ATPAF1: variants seen among roughly 807,000 people sequenced by gnomAD.
ATPAF1 encodes the protein ATP synthase mitochondrial F1 complex assembly factor 1.
Under a neutral mutation model 43.9 loss-of-function variants are expected in ATPAF1, and 26 were observed. The observed-to-expected ratio is 0.59, with a 90% CI of 0.43 to 0.82. The LOEUF is 0.82. Ranked by LOEUF, ATPAF1 falls within the 40% of genes least tolerant of loss-of-function variation. The probability of loss-of-function intolerance (pLI) is 0.00; values close to 1 mark genes in which losing one functional copy is unlikely to be tolerated. For synonymous variants in ATPAF1, 157 were observed against 168.0 expected (o/e 0.93, Z 0.50); for missense variants, 366 against 435.0 (o/e 0.84, Z 1.41).
At chr1:46,658,237 A>C (rs201696890) in intron 3 of ATPAF1, 48 bp from the exon 4 acceptor site, 36 of 1,423,706 alleles carry the variant, frequency 2.5e-5, no homozygotes, top group East Asian at 9.1e-5. Flanking sequence ...AAAAAAAAAA[A>C]AAAACAGCTT....
exon 7 of ATPAF1, chr1:46,645,169 T>C: frequency 6.2e-7 from 1 of 1,612,878 alleles, no homozygotes; most frequent in Non-Finnish European, 8.5e-7. Context: ...ACCTGAATAT[T>C]TATAAGTGCA....
Position 46,643,178 on chromosome 1 carries a change from G to C in ATPAF1, c.792+16C>G, listed in dbSNP as rs778360613. On this transcript the variant is annotated intron_variant, in intron 8 of 8. Coordinates refer to ENST00000574428, the Ensembl canonical transcript of ATPAF1. ...CCATGAGGTAAATCCAAAGAGTTTTGCAAGTTAATTCTTACCAGAAATGTG... is the reference window on the plus strand; with the variant it reads ...CCATGAGGTAAATCCAAAGAGTTTTCCAAGTTAATTCTTACCAGAAATGTG... The C allele has an allele frequency of 1.9e-6, 3 of 1,594,004 alleles. No individual in the cohort carries two copies. The African/African-American group carries it at 4.0e-5, about 21-fold the overall frequency.
At chr1:46,648,953 T>G (rs994921559) in intron 6 of ATPAF1, among the ~76,000 whole-genome samples, 1 of 151,906 alleles carries the variant, frequency 6.6e-6, no homozygotes, top group Non-Finnish European at 1.5e-5. Context: ...CACTACAGCC[T>G]GGGCAACAGT....
At chr1:46,636,334 C>T (rs1484153127) in intron 8 of ATPAF1, among the ~76,000 whole-genome samples, 3 of 152,148 alleles carry the variant, frequency 2.0e-5, no homozygotes, top group African/African-American at 7.2e-5. Flanking sequence ...TCCTCTTCAT[C>T]CAGTTCCCTA....
At chr1:46,651,174 A>G (rs1485706473) in intron 6 of ATPAF1, among the ~76,000 whole-genome samples, 2 of 135,790 alleles carry the variant, frequency 1.5e-5, no homozygotes, top group African/African-American at 5.5e-5. Context: ...AACAGTCCCC[A>G]GAGTGTGATG....
chr1:46,663,922 T>C lies in ATPAF1; in HGVS notation c.375+1334A>G, dbSNP rs567772172. 6 of 1,280,532 alleles carry C rather than the reference T, an allele frequency of 4.7e-6. No individual in the cohort carries two copies. In the African/African-American group the frequency reaches 6.1e-5, roughly 13 times the overall value. The allele number at this position is 1,280,532 out of a possible 1,614,324, so 79.3% of individuals were successfully genotyped here. A position where few individuals can be genotyped will look rare whatever the true frequency, so the allele number is the denominator to read the frequency against. On this transcript the variant is annotated intron_variant, in intron 2 of 8. Transcript: ENST00000574428. ...CTACACCAGTTTGTTCTGTGCACCA[T>C]CCTAGGTTAGAATTTTTCAAATAAT...
At chr1:46,663,946 A>G (rs1676444843) in intron 2 of ATPAF1, 1 of 1,256,986 alleles carries the variant, frequency 8.0e-7, no homozygotes. Flanking sequence ...TTTTCAAATA[A>G]TAGGTTGTGA....
At chr1:46,640,663 A>AAAC (rs1557925749) in intron 8 of ATPAF1, among the ~76,000 whole-genome samples, 14 of 124,210 alleles carry the variant, frequency 1.1e-4, no homozygotes, top group African/African-American at 3.6e-4. Flanking sequence ...AACAAACAAA[A>AAAC]AAAGAGTTTT....
chr1:46,643,254 A>C, exon 8 of ATPAF1: 1 of 1,613,936 alleles, frequency 6.2e-7, no homozygotes, highest in Non-Finnish European at 8.5e-7. Flanking sequence ...CCTTAAGTTC[A>C]GGATAGTGAT....
chr1:46,665,116 G>C, intron 2 of ATPAF1, 140 bp downstream of exon 2: 1 of 740,696 alleles, frequency 1.4e-6, no homozygotes, highest in Non-Finnish European at 2.3e-6. Flanking sequence ...AAACATTTAT[G>C]GATGGAAATG....
Position 46,663,150 on chromosome 1 carries a change from T to C in ATPAF1, c.375+2106A>G, listed in dbSNP as rs184246009. On this transcript the variant is annotated intron_variant, in intron 2 of 8. Transcript: ENST00000574428. ...TGGCTGCATAGTATTCCATGGTGTA[T>C]ATGTGCCACATTTTCTTGATTCAGT... is the stretch of plus-strand genomic sequence containing the variant. Among the ~76,000 whole-genome samples the C allele has an allele frequency of 5.3e-3, 813 of 152,350 alleles. 12 individuals carry two copies. Among genetic ancestry groups the C allele is most frequent in the African/African-American group, 0.018 (759 of 41,570 alleles).
chr1:46,639,125 C>A (rs911470948), intron 8 of ATPAF1, among the ~76,000 whole-genome samples: 4 of 152,020 alleles, frequency 2.6e-5, no homozygotes, highest in African/African-American at 9.7e-5. Flanking sequence ...TCTTAAAATC[C>A]ATCTCTTTAT....
chr1:46,665,252 T>TG lies in ATPAF1; in HGVS notation c.375+3_375+4insC. On this transcript the variant is annotated splice_donor_region_variant and intron_variant, in intron 2 of 8. Transcript: ENST00000574428. ...CAAACACCACAAATGGGGGAAGGTC[T>TG]TACCTTCTGTTCCACACATTTGATA... is the stretch of plus-strand genomic sequence containing the variant. The TG allele has an allele frequency of 6.2e-7, 1 of 1,613,132 alleles. No individual in the cohort carries two copies.
chr1:46,646,390 G>T (rs1355464080), intron 6 of ATPAF1, among the ~76,000 whole-genome samples: 5 of 152,176 alleles, frequency 3.3e-5, no homozygotes, highest in Non-Finnish European at 5.9e-5. Flanking sequence ...TGCTGAATTA[G>T]CTCGTTCCAA....
intron 6 of ATPAF1, 28 bp downstream of exon 6, chr1:46,652,553 A>C (rs761006367): frequency 8.1e-6 from 13 of 1,606,590 alleles, no homozygotes; most frequent in Non-Finnish European, 1.1e-5. Context: ...ATTGATAAGC[A>C]ACCCTTACGT....
chr1:46,665,474 T>A (rs551066188), intron 1 of ATPAF1, 110 bp from the exon 2 acceptor site: 3 of 1,297,560 alleles, frequency 2.3e-6, no homozygotes, highest in Non-Finnish European at 3.2e-6. Flanking sequence ...TTCAGAGAGG[T>A]TGAAAAATTT....
intron 2 of ATPAF1, among the ~76,000 whole-genome samples, chr1:46,659,287 T>C (rs1355396650): frequency 2.0e-5 from 3 of 152,186 alleles, no homozygotes; most frequent in Non-Finnish European, 4.4e-5. Flanking sequence ...AGAGATAAGA[T>C]TTCTCTCTCA....
intron 2 of ATPAF1, chr1:46,663,939 T>C (rs1676444617): frequency 1.5e-5 from 19 of 1,270,836 alleles, no homozygotes; most frequent in Non-Finnish European, 1.6e-5. Context: ...TTAGAATTTT[T>C]CAAATAATAG....
chr1:46,668,551 C>G (rs1676538611), upstream of ATPAF1: 3 of 429,380 alleles, frequency 7.0e-6, no homozygotes, highest in East Asian at 7.8e-5. This position sits in a 1 kb window ranked among gnomAD's most constrained non-coding sequence, Gnocchi z 4.4. Context: ...CACGGCCCGC[C>G]TCCTCCAGGG....
Sources: allele counts gnomAD v4.1 joint callset (sites outside exome capture counted in the v4.1 genomes callset), GRCh38; gene constraint gnomAD v4.1.1; non-coding constraint Gnocchi (gnomAD v3.1); transcripts MANE v1.5; gene names NCBI Gene and HGNC (gene_info 2026-07-23, HGNC 2026-07-21).